The following EPHB2 variants were observed in gnomAD, a reference collection of about 807,000 sequenced individuals.
The protein encoded by EPHB2 is EPH receptor B2, also known as ephrin type-B receptor 2.
In EPHB2, 18 loss-of-function variants were observed where a neutral mutation model predicts 96.4. The observed-to-expected ratio is 0.19, with a 90% confidence interval of 0.13 to 0.28. The LOEUF (loss-of-function observed/expected upper bound fraction) is 0.28. EPHB2 is among the 10% of genes least tolerant of loss of function. EPHB2 has a pLI of 1.00. For synonymous variants in EPHB2, 506 were observed against 534.1 expected, an observed-to-expected ratio of 0.95 and a Z score of 0.72; for missense variants, 989 against 1,355.4, an observed-to-expected ratio of 0.73 and a Z score of 4.25.
At chr1:22,749,047 G>A (rs1236115862) in intron 1 of EPHB2, among the ~76,000 whole-genome samples, 3 of 149,942 alleles carry the variant, frequency 2.0e-5, no homozygotes, top group Non-Finnish European at 4.4e-5. Context: ...TTGAGATGGA[G>A]TTTCACTCTG....
intron 3 of EPHB2, among the ~76,000 whole-genome samples, chr1:22,789,845 G>A (rs573392197): frequency 6.6e-6 from 1 of 152,294 alleles, no homozygotes; most frequent in East Asian, 1.9e-4. Flanking sequence ...GGGCTTCCTG[G>A]AAGAGGTATC....
chr1:22,897,248 G>A (rs1557743226), intron 9 of EPHB2, among the ~76,000 whole-genome samples: 1 of 152,244 alleles, frequency 6.6e-6, no homozygotes. Context: ...GACCTGGGCA[G>A]AACCAGTAAT....
chr1:22,884,638 A>G (rs1219100910), intron 6 of EPHB2, among the ~76,000 whole-genome samples: 1 of 151,532 alleles, frequency 6.6e-6, no homozygotes, highest in East Asian at 1.9e-4. Flanking sequence ...AAAAAAAAAA[A>G]AAAAGAGGGA....
At chr1:22,903,136 C>T (rs1489860785) in intron 9 of EPHB2, among the ~76,000 whole-genome samples, 2 of 152,212 alleles carry the variant, frequency 1.3e-5, no homozygotes, top group South Asian at 2.1e-4. Context: ...GCAACAGAGG[C>T]CCTCTTGACC....
chr1:22,774,991 A>C (rs896506765), intron 1 of EPHB2, among the ~76,000 whole-genome samples: 1 of 152,190 alleles, frequency 6.6e-6, no homozygotes, highest in East Asian at 1.9e-4. Context: ...TGTACACTAG[A>C]GTGCCAGAGC....
At chr1:22,898,780 A>G (rs1014622358) in intron 9 of EPHB2, among the ~76,000 whole-genome samples, 1 of 152,210 alleles carries the variant, frequency 6.6e-6, no homozygotes, top group Non-Finnish European at 1.5e-5. Context: ...TTGGATTCTG[A>G]CATATTTCAA....
At chr1:22,798,487 A>G (rs1240198198) in intron 3 of EPHB2, among the ~76,000 whole-genome samples, 4 of 151,190 alleles carry the variant, frequency 2.6e-5, no homozygotes, top group Non-Finnish European at 5.9e-5. Context: ...ATAAACCACT[A>G]TAGTTTCAGC....
intron 1 of EPHB2, among the ~76,000 whole-genome samples, chr1:22,755,434 T>G (rs4655099): frequency 0.93 from 140,988 of 152,248 alleles, 66,242 homozygotes; most frequent in East Asian, 1. Context: ...CACTGAGGTC[T>G]GAAGAAAGAA....
intron 5 of EPHB2, 81 bp downstream of exon 5, chr1:22,865,293 C>CATAGATGTGAAGGAGTCT: frequency 6.7e-7 from 1 of 1,499,576 alleles, no homozygotes; most frequent in Non-Finnish European, 9.3e-7. Flanking sequence ...CAAAAGACTC[C>CATAGATGTGAAGGAGTCT]TTCACATCTA....
Position 22,714,422 on chromosome 1 carries a change from A to T in EPHB2, c.61+3379A>T, listed in dbSNP as rs150603209. Among the ~76,000 whole-genome samples, 803 of 152,272 alleles carry T rather than the reference A, an allele frequency of 5.3e-3. 7 individuals carry two copies. The highest frequency in any genetic ancestry group is 0.018 in the African/African-American group (738 of 41,546). On this transcript the variant is annotated intron_variant, in intron 1 of 15. Transcript: ENST00000374630. The stretch of plus-strand genomic sequence containing the variant: ...TTATAGGATGTGGAGAATTTTACCT[A>T]AAAAAGGAAATAGCATGTCTATATG...
chr1:22,748,191 C>G (rs570788991), intron 1 of EPHB2, among the ~76,000 whole-genome samples: 2 of 152,310 alleles, frequency 1.3e-5, no homozygotes, highest in East Asian at 1.9e-4. Context: ...ACGTGAAGCT[C>G]TTAATGCCTG....
At chr1:22,791,503 A>T (rs1644693246) in intron 3 of EPHB2, among the ~76,000 whole-genome samples, 1 of 135,052 alleles carries the variant, frequency 7.4e-6, no homozygotes, top group African/African-American at 2.8e-5. Context: ...TTTCAGAGAG[A>T]CAGGATCTCA....
At chr1:22,711,175 G>A (rs1371082600) in intron 1 of EPHB2, 132 bp downstream of exon 1, 1 of 146,690 alleles carries the variant, frequency 6.8e-6, no homozygotes, top group Non-Finnish European at 1.5e-5. Context: ...GGTGGCCGCG[G>A]GGAGGTGTGT....
At chr1:22,862,970 G>A (rs1638319578) in intron 3 of EPHB2, 67 bp from the exon 4 acceptor site, 2 of 1,607,300 alleles carry the variant, frequency 1.2e-6, no homozygotes, top group African/African-American at 2.7e-5. Flanking sequence ...CCGTGAGGCT[G>A]CGTGGCTCGT....
At chr1:22,717,599 T>C (rs1643326506) in intron 1 of EPHB2, among the ~76,000 whole-genome samples, 1 of 152,170 alleles carries the variant, frequency 6.6e-6, no homozygotes, top group Admixed American at 6.5e-5. Context: ...ACCGCGCATG[T>C]GTCAGAGGCT....
intron 3 of EPHB2, among the ~76,000 whole-genome samples, chr1:22,810,595 C>A (rs1644989226): frequency 6.6e-6 from 1 of 152,200 alleles, no homozygotes; most frequent in Non-Finnish European, 1.5e-5. Context: ...TGGTAAATCC[C>A]CACCTCTTGG....
At chr1:22,844,347 C>A (rs1203812198) in intron 3 of EPHB2, among the ~76,000 whole-genome samples, 2 of 152,230 alleles carry the variant, frequency 1.3e-5, no homozygotes, top group African/African-American at 4.8e-5. Flanking sequence ...TGCCCAAAAG[C>A]CTCAGCCAGG....
chr1:22,851,299 A>G (rs1340828406), intron 3 of EPHB2, among the ~76,000 whole-genome samples: 1 of 152,144 alleles, frequency 6.6e-6, no homozygotes, highest in Non-Finnish European at 1.5e-5. Context: ...TGCCCAGGCT[A>G]TTGGTTTTTA....
At chr1:22,864,853 A>G in intron 4 of EPHB2, 24 bp from the exon 5 acceptor site, 2 of 1,438,986 alleles carry the variant, frequency 1.4e-6, no homozygotes, top group Non-Finnish European at 1.9e-6. Flanking sequence ...CCCCCCACTG[A>G]CCAACACCTC....
Sources: allele counts gnomAD v4.1 joint callset (sites outside exome capture counted in the v4.1 genomes callset), GRCh38; gene constraint gnomAD v4.1.1; transcripts MANE v1.5; gene names NCBI Gene and HGNC (gene_info 2026-07-23, HGNC 2026-07-21).